The following RBFOX2 variants were observed in gnomAD, a reference collection of about 807,000 sequenced individuals.
RBFOX2 encodes RNA binding protein fox-1 homolog 2.
In RBFOX2, 10 loss-of-function variants were observed where a neutral mutation model predicts 49.1. The observed-to-expected ratio is 0.20, with a 90% CI of 0.13 to 0.35. The LOEUF (loss-of-function observed/expected upper bound fraction) is 0.35, where lower values mean the gene tolerates loss of function less well. Among genes scored for constraint, RBFOX2 ranks in the 10% least tolerant of loss-of-function variants. The pLI is 1.00. For synonymous variants in RBFOX2, 183 were observed against 187.4 expected, an observed-to-expected ratio of 0.98 and a Z score of 0.19; for missense variants, 323 against 486.9, an observed-to-expected ratio of 0.66 and a Z score of 3.17.
intron 6 of RBFOX2, among the ~76,000 whole-genome samples, chr22:35,762,285 T>C (rs1939170354): frequency 6.6e-6 from 1 of 152,114 alleles, no homozygotes; most frequent in Non-Finnish European, 1.5e-5. Flanking sequence ...AAGTATTTTT[T>C]AAAAAGGAAT....
At chr22:35,774,193 G>A (rs1434033611) in intron 4 of RBFOX2, among the ~76,000 whole-genome samples, 1 of 152,000 alleles carries the variant, frequency 6.6e-6, no homozygotes, top group African/African-American at 2.4e-5. Flanking sequence ...AGAGAAAGGG[G>A]TCATTTATTA....
chr22:36,018,615 T>C (rs2059131848), intron 1 of RBFOX2, among the ~76,000 whole-genome samples: 1 of 152,032 alleles, frequency 6.6e-6, no homozygotes, highest in Admixed American at 6.5e-5. Flanking sequence ...ACAAATTGAC[T>C]CTTTTGTTTT....
intron 1 of RBFOX2, among the ~76,000 whole-genome samples, chr22:35,814,730 A>G (rs1952647221): frequency 1.3e-5 from 2 of 150,260 alleles, no homozygotes; most frequent in Middle Eastern, 3.2e-3. Flanking sequence ...AAAAAAAAAA[A>G]AAAAAAGAAA....
upstream of RBFOX2, among the ~76,000 whole-genome samples, chr22:35,842,165 G>A (rs926875065): frequency 7.9e-5 from 12 of 152,150 alleles, no homozygotes; most frequent in African/African-American, 2.4e-4. Flanking sequence ...AAGGAACACA[G>A]GAAATACAGG....
At chr22:36,006,128 C>T (rs530658336) in intron 1 of RBFOX2, among the ~76,000 whole-genome samples, 52 of 152,346 alleles carry the variant, frequency 3.4e-4, no homozygotes, top group Non-Finnish European at 6.3e-4. Context: ...TGCCTACCTA[C>T]TGCCAGCCCT....
intron 1 of RBFOX2, among the ~76,000 whole-genome samples, chr22:36,019,165 A>G (rs1180704415): frequency 1.3e-5 from 2 of 152,112 alleles, no homozygotes; most frequent in African/African-American, 4.8e-5. Context: ...CACCCTCCCA[A>G]CAGAGATCCC....
intron 1 of RBFOX2, among the ~76,000 whole-genome samples, chr22:35,863,048 A>G (rs534111297): frequency 6.6e-6 from 1 of 152,316 alleles, no homozygotes; most frequent in Middle Eastern, 3.4e-3. Context: ...CAGAAAGCAT[A>G]TAAAGAACTA....
intron 1 of RBFOX2, among the ~76,000 whole-genome samples, chr22:35,904,474 G>A (rs1338219543): frequency 6.6e-6 from 1 of 152,146 alleles, no homozygotes; most frequent in Admixed American, 6.5e-5. Context: ...GTCTAACCAA[G>A]TCCTATAAAT....
chr22:35,758,788 G>C (rs1221484836), intron 9 of RBFOX2, among the ~76,000 whole-genome samples: 1 of 152,084 alleles, frequency 6.6e-6, no homozygotes, highest in Non-Finnish European at 1.5e-5. Context: ...CTGTGGAATG[G>C]AGAACTTCTA....
chr22:35,830,005 A>G (rs1303139617), intron 1 of RBFOX2, among the ~76,000 whole-genome samples: 1 of 152,132 alleles, frequency 6.6e-6, no homozygotes, highest in Non-Finnish European at 1.5e-5. Context: ...AATCCTCCCA[A>G]TCTTCTAGCC....
chr22:35,997,813 C>G (rs1296735944), intron 1 of RBFOX2: 2 of 152,220 alleles, frequency 1.3e-5, no homozygotes, highest in Non-Finnish European at 2.9e-5. Context: ...AACACAGTGC[C>G]TAGGCTATAG....
At chr22:35,826,555 A>G (rs925063740) in intron 1 of RBFOX2, among the ~76,000 whole-genome samples, 1 of 152,102 alleles carries the variant, frequency 6.6e-6, no homozygotes, top group African/African-American at 2.4e-5. Context: ...TGCATATAAG[A>G]GATAGGCTAA....
At chr22:35,987,556 A>G (rs891111601) in intron 1 of RBFOX2, among the ~76,000 whole-genome samples, 16 of 152,246 alleles carry the variant, frequency 1.1e-4, no homozygotes, top group Non-Finnish European at 1.9e-4. Context: ...ATTGAATAGT[A>G]ATTAAATAAC....
At chr22:35,873,876 T>C (rs956035328) in intron 1 of RBFOX2, among the ~76,000 whole-genome samples, 8 of 152,068 alleles carry the variant, frequency 5.3e-5, no homozygotes, top group African/African-American at 1.9e-4. Flanking sequence ...AAGCAAGGTT[T>C]CTCCATATTA....
rs559255705 is a variant in RBFOX2, at chr22:35,973,845, G to A, written c.187-34948C>T. Among the ~76,000 whole-genome samples, 51 of 152,286 alleles carry A rather than the reference G, an allele frequency of 3.3e-4. 1 individual carries two copies. The highest frequency in any genetic ancestry group is 1.2e-3 in the African/African-American group (51 of 41,568). The stretch of plus-strand genomic sequence containing the variant: ...GAGTGGGTTCCTTTTCCTTGGCCAC[G>A]GCATAGGGGACCGACCACCTTGTGG... On this transcript the variant is annotated intron_variant, in intron 1 of 13. Coordinates refer to the RBFOX2 transcript ENST00000438146.
At chr22:35,900,825 G>C (rs759140596) in intron 1 of RBFOX2, among the ~76,000 whole-genome samples, 10 of 152,130 alleles carry the variant, frequency 6.6e-5, no homozygotes, top group African/African-American at 9.7e-5. Flanking sequence ...AAAAGCCCCA[G>C]GTAACTCTCA....
At chr22:35,793,291 T>C (rs1164676156) in intron 2 of RBFOX2, among the ~76,000 whole-genome samples, 4 of 152,222 alleles carry the variant, frequency 2.6e-5, no homozygotes, top group Non-Finnish European at 4.4e-5. Flanking sequence ...GAGAATCGCT[T>C]GAACCCGGGG....
chr22:35,750,480 C>A, intron 9 of RBFOX2: 1 of 1,591,818 alleles, frequency 6.3e-7, no homozygotes, highest in African/African-American at 1.3e-5. Context: ...TGAAATAAAA[C>A]AAAAAATGGG....
chr22:36,024,597 G>C (rs377007265), intron 1 of RBFOX2, among the ~76,000 whole-genome samples: 1 of 151,456 alleles, frequency 6.6e-6, no homozygotes. Context: ...AAAAATTAGC[G>C]GGGTGTGGTG....
Sources: gnomAD v4.1 joint callset for allele counts (sites outside exome capture counted in the v4.1 genomes callset) on GRCh38, gnomAD v4.1.1 for gene constraint, MANE v1.5 for transcripts, NCBI Gene and HGNC (gene_info 2026-07-23, HGNC 2026-07-21) for gene names.